The following ATXN3 variants were observed in gnomAD, a reference collection of about 807,000 sequenced individuals.
ATXN3 encodes ataxin-3.
In ATXN3, 28 loss-of-function variants were observed where a neutral mutation model predicts 58.2. That is an observed-to-expected ratio of 0.48 (90% confidence interval 0.36 to 0.66). The LOEUF is 0.66. Ranked by LOEUF, ATXN3 falls within the 30% of genes least tolerant of loss-of-function variation. The probability of loss-of-function intolerance (pLI) is 0.00; values close to 1 mark genes in which losing one functional copy is unlikely to be tolerated. For synonymous variants in ATXN3, 113 were observed against 138.5 expected (o/e 0.82, Z 1.29); for missense variants, 321 against 422.1 (o/e 0.76, Z 2.10).
intron 5 of ATXN3, among the ~76,000 whole-genome samples, chr14:92,090,188 G>T (rs1204036614): frequency 6.6e-6 from 1 of 152,048 alleles, no homozygotes; most frequent in Non-Finnish European, 1.5e-5. Flanking sequence ...CTGCAGCCTC[G>T]AACACCTGGG....
At chr14:92,052,333 A>G (rs1005562751), upstream of ATXN3, among the ~76,000 whole-genome samples, 3 of 151,864 alleles carry the variant, frequency 2.0e-5, no homozygotes, top group African/African-American at 7.3e-5. Flanking sequence ...CGTCTCTACT[A>G]AAAATACAAA....
chr14:92,066,629 A>G (rs1479093827), intron 10 of ATXN3, among the ~76,000 whole-genome samples: 1 of 126,896 alleles, frequency 7.9e-6, no homozygotes, highest in African/African-American at 3.0e-5. Flanking sequence ...TTTTTTTGAG[A>G]CAAGGTCTCG....
intron 10 of ATXN3, among the ~76,000 whole-genome samples, chr14:92,065,888 A>AT (rs1157816448): frequency 5.7e-5 from 8 of 140,308 alleles, no homozygotes; most frequent in African/African-American, 2.0e-4. Flanking sequence ...CTAAAAAAGA[A>AT]AAATAATAAT....
intron 1 of ATXN3, among the ~76,000 whole-genome samples, chr14:92,100,378 A>G (rs958515663): frequency 1.3e-5 from 2 of 152,162 alleles, no homozygotes; most frequent in Non-Finnish European, 2.9e-5. Context: ...ATTTGTAGTA[A>G]TACAAAATAG....
chr14:92,054,805 C>A (rs1478186332), downstream of ATXN3, among the ~76,000 whole-genome samples: 1 of 152,132 alleles, frequency 6.6e-6, no homozygotes, highest in Non-Finnish European at 1.5e-5. Context: ...CCCGGACTGG[C>A]AGTCTCCACA....
intron 1 of ATXN3, chr14:92,097,056 C>G (rs527734891): frequency 2.3e-6 from 1 of 437,552 alleles, no homozygotes; most frequent in African/African-American, 2.1e-5. Flanking sequence ...TACAGGCACC[C>G]GCCACCACGC....
chr14:92,095,099 T>TAAA (rs10672184), intron 3 of ATXN3, among the ~76,000 whole-genome samples: 35,746 of 144,532 alleles, frequency 0.25, 4,445 homozygotes, highest in East Asian at 0.44. Flanking sequence ...AGCTATACAT[T>TAAA]AAAAAAAAAA....
At chr14:92,072,398 AG>A (rs1369183948) in intron 9 of ATXN3, among the ~76,000 whole-genome samples, 1 of 152,224 alleles carries the variant, frequency 6.6e-6, no homozygotes, top group African/African-American at 2.4e-5. Flanking sequence ...CCTAAATCCG[AG>A]AATCAGAAAT....
chr14:92,072,095 T>C (rs2059548255), intron 9 of ATXN3, among the ~76,000 whole-genome samples: 1 of 152,238 alleles, frequency 6.6e-6, no homozygotes, highest in Non-Finnish European at 1.5e-5. Context: ...AGATTTTAAG[T>C]AATACTGATT....
chr14:92,102,737 C>T (rs996538390), intron 1 of ATXN3, among the ~76,000 whole-genome samples: 1 of 152,196 alleles, frequency 6.6e-6, no homozygotes, highest in Non-Finnish European at 1.5e-5. Flanking sequence ...ATGTTATTAT[C>T]CCCACACTAC....
intron 10 of ATXN3, 175 bp downstream of exon 10, chr14:92,070,760 T>A: frequency 8.5e-7 from 1 of 1,176,782 alleles, no homozygotes; most frequent in Non-Finnish European, 1.1e-6. Flanking sequence ...TTTTTTTTTT[T>A]CTTTTGGTAA....
chr14:92,101,075 T>C (rs1487090505), intron 1 of ATXN3, among the ~76,000 whole-genome samples: 1 of 152,214 alleles, frequency 6.6e-6, no homozygotes, highest in African/African-American at 2.4e-5. Context: ...AAATCAAACT[T>C]CATCAAAGAA....
chr14:92,081,181 T>G, intron 8 of ATXN3, 120 bp from the exon 9 acceptor site: 46 of 633,976 alleles, frequency 7.3e-5, no homozygotes, highest in Non-Finnish European at 1.1e-4. Context: ...AAGAATATTC[T>G]ACTCTTCTGG....
chr14:92,103,110 T>TAAA (rs11388890), intron 1 of ATXN3, among the ~76,000 whole-genome samples: 3 of 131,594 alleles, frequency 2.3e-5, no homozygotes, highest in Non-Finnish European at 3.2e-5. Context: ...GCAAGAGGAT[T>TAAA]AAAAAAAAAA....
At chr14:92,071,853 G>C (rs2059507040) in intron 9 of ATXN3, among the ~76,000 whole-genome samples, 1 of 152,052 alleles carries the variant, frequency 6.6e-6, no homozygotes, top group Non-Finnish European at 1.5e-5. Flanking sequence ...ACCAAAAGTA[G>C]CCACCTGACA....
upstream of ATXN3, among the ~76,000 whole-genome samples, chr14:92,053,474 T>C (rs1332306300): frequency 6.9e-5 from 10 of 144,478 alleles, no homozygotes; most frequent in African/African-American, 2.4e-4. Flanking sequence ...TCTGCTCTCC[T>C]TTTTTTTTTC....
chr14:92,085,938 T>G (rs149201025), intron 6 of ATXN3, among the ~76,000 whole-genome samples: 1 of 152,222 alleles, frequency 6.6e-6, no homozygotes, highest in African/African-American at 2.4e-5. Flanking sequence ...AGACAGGGTT[T>G]CTAAGAAGGG....
downstream of ATXN3, among the ~76,000 whole-genome samples, chr14:92,057,291 C>T (rs1205890735): frequency 6.6e-6 from 1 of 152,138 alleles, no homozygotes; most frequent in East Asian, 1.9e-4. Context: ...TGGTGCACGC[C>T]TGTAGTCCCA....
chr14:92,089,876 T>C (rs571674598), intron 5 of ATXN3, among the ~76,000 whole-genome samples: 1 of 152,188 alleles, frequency 6.6e-6, no homozygotes, highest in East Asian at 1.9e-4. Flanking sequence ...AAGATTCCAA[T>C]TGTGAGAAAG....
Sources: allele counts gnomAD v4.1 joint callset (sites outside exome capture counted in the v4.1 genomes callset), GRCh38; gene constraint gnomAD v4.1.1; transcripts MANE v1.5; gene names NCBI Gene and HGNC (gene_info 2026-07-23, HGNC 2026-07-21).